Variants in ZCWPW2 observed in about 807,000 individuals in gnomAD.
The protein encoded by ZCWPW2 is zinc finger CW-type PWWP domain protein 2.
A neutral mutation model predicts 46.6 loss-of-function variants in ZCWPW2; 45 were observed. That is an observed-to-expected ratio of 0.96 (90% CI 0.76 to 1.24). ZCWPW2 has a LOEUF of 1.24. ZCWPW2 is among the 50% of genes most tolerant of loss of function. ZCWPW2 has a pLI of 0.00. For synonymous variants in ZCWPW2, 152 were observed against 137.1 expected, an observed-to-expected ratio of 1.11 and a Z score of -0.76; for missense variants, 429 against 403.9, an observed-to-expected ratio of 1.06 and a Z score of -0.53.
At chr3:28,409,807 A>T (rs1696326380) in intron 2 of ZCWPW2, among the ~76,000 whole-genome samples, 1 of 152,180 alleles carries the variant, frequency 6.6e-6, no homozygotes, top group South Asian at 2.1e-4. Context: ...AAATAAGTAA[A>T]GAAATAGCAT....
chr3:28,386,241 A>G (rs1695268943), intron 1 of ZCWPW2, among the ~76,000 whole-genome samples: 1 of 152,062 alleles, frequency 6.6e-6, no homozygotes, highest in Admixed American at 6.6e-5. Flanking sequence ...CAGAAAACTC[A>G]CTTCCTCTTT....
At chr3:28,524,484 T>C (rs757264151) in intron 9 of ZCWPW2, 43 bp from the exon 10 acceptor site, 5 of 1,574,468 alleles carry the variant, frequency 3.2e-6, no homozygotes, top group Non-Finnish European at 4.3e-6. Flanking sequence ...AATAATCAGG[T>C]AAATTTGACA....
intron 4 of ZCWPW2, among the ~76,000 whole-genome samples, chr3:28,436,815 A>G (rs1407300176): frequency 6.6e-6 from 1 of 152,158 alleles, no homozygotes; most frequent in African/African-American, 2.4e-5. Context: ...GCTGGCAACC[A>G]CAGAAGACAG....
At chr3:28,459,585 G>A (rs1698552085) in intron 4 of ZCWPW2, among the ~76,000 whole-genome samples, 1 of 152,122 alleles carries the variant, frequency 6.6e-6, no homozygotes, top group African/African-American at 2.4e-5. Context: ...TGAAGCTGTG[G>A]TACTGAAGAA....
At chr3:28,379,381 C>A (rs1191858613) in intron 1 of ZCWPW2, among the ~76,000 whole-genome samples, 1 of 151,982 alleles carries the variant, frequency 6.6e-6, no homozygotes, top group Non-Finnish European at 1.5e-5. Context: ...AAAAAGACAG[C>A]CTTAAACAAG....
intron 6 of ZCWPW2, among the ~76,000 whole-genome samples, chr3:28,501,488 C>T (rs994258621): frequency 1.3e-5 from 2 of 152,104 alleles, no homozygotes; most frequent in South Asian, 2.1e-4. Flanking sequence ...CAGTCCACAA[C>T]GACGACCTCC....
intron 1 of ZCWPW2, among the ~76,000 whole-genome samples, chr3:28,354,286 C>T (rs1704656090): frequency 6.6e-6 from 1 of 150,666 alleles, no homozygotes. Context: ...ACACATACAC[C>T]CTCCCAAGAC....
At chr3:28,517,846 A>T (rs576024444) in intron 8 of ZCWPW2, among the ~76,000 whole-genome samples, 2 of 152,272 alleles carry the variant, frequency 1.3e-5, no homozygotes, top group South Asian at 4.1e-4. Context: ...TTTAAAAACT[A>T]GATATGGGGC....
intron 1 of ZCWPW2, among the ~76,000 whole-genome samples, chr3:28,361,814 CAAT>C (rs1704955174): frequency 6.6e-6 from 1 of 151,998 alleles, no homozygotes; most frequent in South Asian, 2.1e-4. Flanking sequence ...AAATCAAAAA[CAAT>C]GAGCTGTACC....
At chr3:28,446,994 T>C (rs1698020975) in intron 4 of ZCWPW2, among the ~76,000 whole-genome samples, 1 of 152,116 alleles carries the variant, frequency 6.6e-6, no homozygotes. Flanking sequence ...AGTAGACCTG[T>C]AACTAGTAAT....
chr3:28,466,278 C>T (rs1326621754), intron 4 of ZCWPW2, among the ~76,000 whole-genome samples: 2 of 152,120 alleles, frequency 1.3e-5, no homozygotes, highest in Non-Finnish European at 2.9e-5. Flanking sequence ...ACACCAAACC[C>T]ACATAACACA....
chr3:28,457,782 T>C (rs1377690465), intron 4 of ZCWPW2, among the ~76,000 whole-genome samples: 1 of 152,202 alleles, frequency 6.6e-6, no homozygotes, highest in Non-Finnish European at 1.5e-5. Flanking sequence ...TTCAGTTTTG[T>C]TAAAAATAAA....
At chr3:28,483,394 T>C (rs1296235300) in intron 5 of ZCWPW2, among the ~76,000 whole-genome samples, 1 of 152,210 alleles carries the variant, frequency 6.6e-6, no homozygotes, top group Non-Finnish European at 1.5e-5. Flanking sequence ...TGCAGTTTCA[T>C]AGTAAGTCTT....
At chr3:28,453,872 T>C (rs1272080892) in intron 4 of ZCWPW2, among the ~76,000 whole-genome samples, 3 of 150,084 alleles carry the variant, frequency 2.0e-5, no homozygotes, top group Non-Finnish European at 3.0e-5. Flanking sequence ...TGAGACGGAG[T>C]CTCGCTCTGT....
chr3:28,478,124 G>A (rs908463142), intron 4 of ZCWPW2, among the ~76,000 whole-genome samples: 1 of 152,126 alleles, frequency 6.6e-6, no homozygotes, highest in African/African-American at 2.4e-5. Flanking sequence ...GATGTATGTA[G>A]TGTTATCATT....
intron 1 of ZCWPW2, among the ~76,000 whole-genome samples, chr3:28,364,176 A>G (rs1390794465): frequency 3.3e-5 from 5 of 152,208 alleles, no homozygotes. Flanking sequence ...TATATTCTTC[A>G]TGGGAGTATA....
intron 1 of ZCWPW2, among the ~76,000 whole-genome samples, chr3:28,356,910 G>A (rs898033350): frequency 2.0e-5 from 3 of 151,966 alleles, no homozygotes; most frequent in African/African-American, 4.8e-5. Context: ...TATAAATGAC[G>A]AGTTAATGGG....
At chr3:28,442,151 C>T (rs1697786854) in intron 4 of ZCWPW2, among the ~76,000 whole-genome samples, 1 of 152,158 alleles carries the variant, frequency 6.6e-6, no homozygotes, top group South Asian at 2.1e-4. Flanking sequence ...ACTAAATGCA[C>T]CAGAGTAACA....
At chr3:28,370,432 C>G (rs1461799635) in intron 1 of ZCWPW2, among the ~76,000 whole-genome samples, 1 of 152,144 alleles carries the variant, frequency 6.6e-6, no homozygotes, top group African/African-American at 2.4e-5. Context: ...AATTAATAAA[C>G]TAGCTACAAG....
Sources: gnomAD v4.1 joint callset for allele counts (sites outside exome capture counted in the v4.1 genomes callset) on GRCh38, gnomAD v4.1.1 for gene constraint, MANE v1.5 for transcripts, NCBI Gene and HGNC (gene_info 2026-07-23, HGNC 2026-07-21) for gene names.